The following SAMM50 variants were observed in gnomAD, a reference collection of about 807,000 sequenced individuals.
The protein encoded by SAMM50 is SAMM50 sorting and assembly machinery component.
A neutral mutation model predicts 66.9 loss-of-function variants in SAMM50; 47 were observed. That is an observed-to-expected ratio of 0.70 (90% CI 0.56 to 0.90). The LOEUF is 0.90. Among genes scored for constraint, SAMM50 ranks in the 40% least tolerant of loss-of-function variants. The pLI, the probability that SAMM50 is intolerant of heterozygous loss-of-function variation, is 0.00. For synonymous variants in SAMM50, 191 were observed against 214.1 expected, an observed-to-expected ratio of 0.89 and a Z score of 0.94; for missense variants, 535 against 595.3, an observed-to-expected ratio of 0.90 and a Z score of 1.05.
In SAMM50 at chr22:43,996,447, G is replaced by C; in HGVS notation, c.*64G>C. On this transcript the variant is annotated 3_prime_UTR_variant, in exon 15 of 15. Transcript: ENST00000350028. ...CAGCAAGGCGCCCATGCCACACACC[G>C]TCTCTCGAGGAAACGCGGTTCAGCG... The C allele has an allele frequency of 6.8e-7, 1 of 1,467,852 alleles. No homozygotes were observed. The highest frequency in any genetic ancestry group is 9.6e-7 in the Non-Finnish European group (1 of 1,046,866). 90.9% of individuals were successfully genotyped at this position (1,467,852 alleles called of 1,614,324 possible).
At chr22:43,976,980 G>T (rs534329637) in intron 9 of SAMM50, among the ~76,000 whole-genome samples, 159 bp downstream of exon 9, 60 of 152,304 alleles carry the variant, frequency 3.9e-4, no homozygotes, top group African/African-American at 1.3e-3. Context: ...CCACTCTCAG[G>T]GCTTCCAGCC....
chr22:43,973,148 C>T (rs540179742), intron 6 of SAMM50, 88 bp from the exon 7 acceptor site: 113 of 1,314,148 alleles, frequency 8.6e-5, no homozygotes, highest in Admixed American at 5.9e-4. Flanking sequence ...ATGAGCCCTA[C>T]GGGCGTAGTG....
Position 43,989,328 on chromosome 22 carries a change from G to A in SAMM50, c.1222+71G>A, listed in dbSNP as rs1264553761. On this transcript the variant is annotated intron_variant, in intron 13 of 14. Transcript: ENST00000350028. ...CATGTTTAAAAGCACAGTACACAAA[G>A]AGGTGTCTGTCTTTTTTTTTTTTTT... 4 of 1,402,096 alleles carry A rather than the reference G, an allele frequency of 2.9e-6. No individual in the cohort carries two copies. In the East Asian group the frequency reaches 9.5e-5, roughly 33 times the overall value. 86.9% of individuals were successfully genotyped at this position (1,402,096 alleles called of 1,614,324 possible). A position where few individuals can be genotyped will look rare whatever the true frequency, so the allele number is the denominator to read the frequency against.
intron 7 of SAMM50, among the ~76,000 whole-genome samples, chr22:43,974,124 C>T (rs1389418787): frequency 1.3e-5 from 2 of 152,024 alleles, no homozygotes. Context: ...ATGTAAGAGT[C>T]GTTCCCCACA....
chr22:43,984,178 G>A (rs1462886082), intron 12 of SAMM50, among the ~76,000 whole-genome samples, 178 bp downstream of exon 12: 1 of 152,110 alleles, frequency 6.6e-6, no homozygotes, highest in Admixed American at 6.5e-5. Flanking sequence ...GAGAATTGTA[G>A]GAAAATGAGA....
At chr22:43,968,653 C>A in intron 3 of SAMM50, 78 bp from the exon 4 acceptor site, 1 of 984,596 alleles carries the variant, frequency 1.0e-6, no homozygotes, top group South Asian at 1.3e-5. Flanking sequence ...AAACTACCAG[C>A]CTCGCCGTGT....
intron 7 of SAMM50, chr22:43,974,569 T>G (rs1035005697): frequency 6.6e-6 from 1 of 152,320 alleles, no homozygotes; most frequent in African/African-American, 2.4e-5. Flanking sequence ...AAGATGGAGA[T>G]AGGAGAATCC....
rs1470308513 is a variant in SAMM50, at chr22:43,978,308, G to A, written c.936+350G>A. On this transcript the variant is annotated intron_variant, in intron 10 of 14. Transcript: ENST00000350028. Reference sequence around the variant, plus strand: ...AAATTAGCCGGGCGTGGTGGTGGGCGCCTGAAGTCCCAGCTACTCGGGAGG... The same window carrying A: ...AAATTAGCCGGGCGTGGTGGTGGGCACCTGAAGTCCCAGCTACTCGGGAGG... 5.3e-5 allele frequency among the ~76,000 whole-genome samples: 8 copies of A among 151,256 alleles called. No homozygotes were observed. The East Asian group carries it at 7.8e-4, about 15-fold the overall frequency.
At chr22:43,993,038 T>C (rs181111256) in intron 14 of SAMM50, among the ~76,000 whole-genome samples, 6 of 152,374 alleles carry the variant, frequency 3.9e-5, no homozygotes, top group East Asian at 1.9e-4. Context: ...ATGAAGCCCT[T>C]ATTCCCTCTG....
chr22:43,956,584 A>T (rs1232283056), intron 1 of SAMM50, among the ~76,000 whole-genome samples: 3 of 152,338 alleles, frequency 2.0e-5, no homozygotes, highest in African/African-American at 7.2e-5. Flanking sequence ...GCAGAGAAAG[A>T]GTTTCAGTTG....
At chr22:43,959,121 C>G (rs1455925491) in intron 1 of SAMM50, among the ~76,000 whole-genome samples, 1 of 149,892 alleles carries the variant, frequency 6.7e-6, no homozygotes, top group Non-Finnish European at 1.5e-5. Flanking sequence ...TGGGTTCAAG[C>G]GATTCTCCTA....
In SAMM50 at chr22:43,958,981, C is replaced by G. The variant is rs190255492; in HGVS notation, c.21+3383C>G. Among the ~76,000 whole-genome samples the G allele has an allele frequency of 1.8e-4, 27 of 149,606 alleles. No homozygotes were observed. The East Asian group carries it at 4.5e-3, about 25-fold the overall frequency. On this transcript the variant is annotated intron_variant, in intron 1 of 14. Coordinates refer to ENST00000350028, the MANE Select transcript of SAMM50 (RefSeq NM_015380.5). ...TCAAACAAAATTTTGTGCAATAATA[C>G]TTAATATGTGTTATGTATTGTTATA... is the stretch of plus-strand genomic sequence containing the variant.
intron 6 of SAMM50, 39 bp from the exon 7 acceptor site, chr22:43,973,197 C>T (rs1569028962): frequency 1.4e-6 from 2 of 1,392,500 alleles, no homozygotes; most frequent in South Asian, 1.2e-5. Context: ...GTTCTAATCA[C>T]TGTTTCAGCT....
intron 1 of SAMM50, among the ~76,000 whole-genome samples, chr22:43,962,066 C>T (rs2050149751): frequency 6.6e-6 from 1 of 151,996 alleles, no homozygotes; most frequent in Non-Finnish European, 1.5e-5. Flanking sequence ...CCAATAAACT[C>T]ATCGTAAGTT....
chr22:43,989,568 C>A (rs1603420394), intron 13 of SAMM50, among the ~76,000 whole-genome samples: 1 of 152,142 alleles, frequency 6.6e-6, no homozygotes, highest in East Asian at 1.9e-4. Flanking sequence ...GATCTCTTGA[C>A]CTCGTGATCC....
At chr22:43,961,568 C>G (rs1379221800) in intron 1 of SAMM50, among the ~76,000 whole-genome samples, 1 of 152,170 alleles carries the variant, frequency 6.6e-6, no homozygotes, top group Middle Eastern at 3.4e-3. Context: ...TCCTGCCTTA[C>G]CCTTCCAAGT....
chr22:43,980,246 T>C (rs1204303819), intron 10 of SAMM50, among the ~76,000 whole-genome samples: 1 of 100,778 alleles, frequency 9.9e-6, no homozygotes, highest in Admixed American at 1.3e-4. Flanking sequence ...GCACTAAGAA[T>C]ATATCAGTGA....
At chr22:43,955,680 C>A in intron 1 of SAMM50, 82 bp downstream of exon 1, 1 of 1,449,048 alleles carries the variant, frequency 6.9e-7, no homozygotes, top group Non-Finnish European at 9.4e-7. Context: ...GCTCTCGTGG[C>A]TGCGCCCAGG....
Position 43,996,317 on chromosome 22 carries a change from TG to T in SAMM50, c.1365-20del, listed in dbSNP as rs1391709459. 1 of 1,613,880 alleles carries T rather than the reference TG, an allele frequency of 6.2e-7. No homozygotes were observed. Among genetic ancestry groups the T allele is most frequent in the East Asian group, 2.2e-5 (1 of 44,886 alleles). On this transcript the variant is annotated intron_variant, in intron 14 of 14. Coordinates refer to ENST00000350028, the MANE Select transcript of SAMM50 (RefSeq NM_015380.5). The stretch of plus-strand genomic sequence containing the variant: ...GGGCTGGCGGAGCGGCCGCCGCATC[TG>T]ATCTCTCCCCTTTTTTTAGGATATG...
Sources: allele counts gnomAD v4.1 joint callset (sites outside exome capture counted in the v4.1 genomes callset), GRCh38; gene constraint gnomAD v4.1.1; transcripts MANE v1.5; gene names NCBI Gene and HGNC (gene_info 2026-07-23, HGNC 2026-07-21).